CNTNAP2: variants seen among roughly 807,000 people sequenced by gnomAD.
CNTNAP2 encodes contactin associated protein 2, also known as contactin-associated protein-like 2.
Under a neutral mutation model 155.2 loss-of-function variants are expected in CNTNAP2, and 98 were observed. The observed-to-expected ratio is 0.63, with a 90% CI of 0.54 to 0.75. CNTNAP2 has a LOEUF of 0.75. Among genes scored for constraint, CNTNAP2 ranks in the 30% least tolerant of loss-of-function variants. The pLI is 0.00. For synonymous variants in CNTNAP2, 651 were observed against 631.2 expected (o/e 1.03, Z -0.47); for missense variants, 1,727 against 1,688.1 (o/e 1.02, Z -0.40).
intron 15 of CNTNAP2, among the ~76,000 whole-genome samples, chr7:148,107,637 C>T (rs1035796558): frequency 6.6e-6 from 1 of 152,058 alleles, no homozygotes; most frequent in Admixed American, 6.6e-5. Context: ...TTTTTTCTCC[C>T]GTAAGGAAAT....
At chr7:148,306,353 T>C (rs1320932335) in intron 21 of CNTNAP2, among the ~76,000 whole-genome samples, 3 of 152,216 alleles carry the variant, frequency 2.0e-5, no homozygotes, top group Non-Finnish European at 4.4e-5. Context: ...GGAAAGCCGT[T>C]CTTGAACTCT....
rs36020816 is a variant in CNTNAP2 at position 148,405,420 on chromosome 7, A to ATTTTTTTTTTTT, written c.3716-3956_3716-3945dup. The stretch of plus-strand genomic sequence containing the variant: ...TCAAGGGAACCAGATTACCATTGTA[A>ATTTTTTTTTTTT]TTTTTTTTTTTTTTTTTTTTTTTTT... On this transcript the variant is annotated intron_variant, in intron 22 of 23. Transcript: ENST00000361727. Among the ~76,000 whole-genome samples, 50 of 64,302 alleles carry ATTTTTTTTTTTT rather than the reference A, an allele frequency of 7.8e-4. 12 individuals carry two copies. Among genetic ancestry groups the ATTTTTTTTTTTT allele is most frequent in the African/African-American group, 3.5e-3 (44 of 12,652 alleles). The allele number at this position is 64,302 out of a possible 152,430, so 42.2% of individuals were successfully genotyped here.
intron 19 of CNTNAP2, among the ~76,000 whole-genome samples, chr7:148,228,748 A>C (rs1231071144): frequency 6.8e-6 from 1 of 147,578 alleles, no homozygotes; most frequent in African/African-American, 2.5e-5. Flanking sequence ...GAATGGCGTG[A>C]ACCCGGGAGG....
chr7:148,350,193 G>A (rs1798402828), intron 21 of CNTNAP2, among the ~76,000 whole-genome samples: 1 of 152,112 alleles, frequency 6.6e-6, no homozygotes, highest in Admixed American at 6.5e-5. Flanking sequence ...AAGACTATCT[G>A]CGGATGTATT....
Position 147,543,337 on chromosome 7 carries a change from T to C in CNTNAP2, c.1778-18801T>C, listed in dbSNP as rs543574794. ...TGCCCTGGGCGGGCTAAGTGTTCCTTGCCTTCATTCTGGTAAACCCACAAC... is the reference window on the plus strand; with the variant it reads ...TGCCCTGGGCGGGCTAAGTGTTCCTCGCCTTCATTCTGGTAAACCCACAAC... On this transcript the variant is annotated intron_variant, in intron 11 of 23. Coordinates refer to ENST00000361727, the MANE Select transcript of CNTNAP2 (RefSeq NM_014141.6). 3.9e-5 allele frequency among the ~76,000 whole-genome samples: 6 copies of C among 152,332 alleles called. No individual in the cohort carries two copies. In the South Asian group the frequency reaches 1.2e-3, roughly 32 times the overall value.
chr7:147,873,138 T>G (rs1799356812), intron 13 of CNTNAP2, among the ~76,000 whole-genome samples: 1 of 152,154 alleles, frequency 6.6e-6, no homozygotes, highest in Non-Finnish European at 1.5e-5. Context: ...CGCTCCAGCT[T>G]GGGATCAAGA....
intron 3 of CNTNAP2, among the ~76,000 whole-genome samples, chr7:146,969,125 G>A (rs1325682349): frequency 6.6e-6 from 1 of 151,374 alleles, no homozygotes; most frequent in Non-Finnish European, 1.5e-5. Context: ...GCGGTTTTGA[G>A]TGAGTTTCTT....
chr7:146,600,411 C>T (rs1423820670), intron 1 of CNTNAP2, among the ~76,000 whole-genome samples: 5 of 151,990 alleles, frequency 3.3e-5, no homozygotes, highest in Admixed American at 1.3e-4. Context: ...TTTAAAAAGA[C>T]GTTTTAAAAT....
At chr7:146,762,154 G>A (rs1293348618) in intron 1 of CNTNAP2, among the ~76,000 whole-genome samples, 1 of 152,202 alleles carries the variant, frequency 6.6e-6, no homozygotes, top group Non-Finnish European at 1.5e-5. Flanking sequence ...TGTTGTGAGA[G>A]CCCTTATATA....
At chr7:146,446,021 A>G (rs1431976276) in intron 1 of CNTNAP2, among the ~76,000 whole-genome samples, 2 of 152,134 alleles carry the variant, frequency 1.3e-5, no homozygotes, top group Non-Finnish European at 2.9e-5. Context: ...ACATTTTGAA[A>G]AAGAAGAATC....
chr7:147,477,507 G>GT (rs1290881064), intron 10 of CNTNAP2, among the ~76,000 whole-genome samples: 7 of 152,034 alleles, frequency 4.6e-5, no homozygotes, highest in Non-Finnish European at 8.8e-5. Context: ...TTTGCCTTTA[G>GT]TTTTTCCCTT....
chr7:147,063,185 G>C (rs984698905), intron 4 of CNTNAP2, among the ~76,000 whole-genome samples: 5 of 152,138 alleles, frequency 3.3e-5, no homozygotes, highest in African/African-American at 1.2e-4. Context: ...TTAGCCCCAT[G>C]CTCTTCCACT....
chr7:146,267,973 C>T lies in CNTNAP2; in HGVS notation c.97+151000C>T, dbSNP rs1341038315. On this transcript the variant is annotated intron_variant, in intron 1 of 23. Coordinates refer to ENST00000361727, the MANE Select transcript of CNTNAP2 (RefSeq NM_014141.6). ...AACAACATGAGAAAGCAACAATCCT[C>T]GTGGAAATGGTGGAAGCAAGAGAAA... is the stretch of plus-strand genomic sequence containing the variant. Among the ~76,000 whole-genome samples the T allele has an allele frequency of 5.9e-5, 9 of 152,182 alleles. No individual in the cohort carries two copies. The South Asian group carries it at 1.4e-3, about 25-fold the overall frequency.
chr7:146,524,056 C>A (rs529732460), intron 1 of CNTNAP2, among the ~76,000 whole-genome samples: 1 of 152,082 alleles, frequency 6.6e-6, no homozygotes. Flanking sequence ...TATCCCAGGG[C>A]ATACTATTAA....
intron 8 of CNTNAP2, among the ~76,000 whole-genome samples, chr7:147,231,743 C>T (rs947034190): frequency 6.6e-6 from 1 of 152,160 alleles, no homozygotes; most frequent in African/African-American, 2.4e-5. Flanking sequence ...TGGAAAATGT[C>T]TCTTCAGGTC....
intron 1 of CNTNAP2, among the ~76,000 whole-genome samples, chr7:146,720,140 T>C (rs63207261): frequency 6.6e-6 from 1 of 151,092 alleles, no homozygotes; most frequent in Non-Finnish European, 1.5e-5. Context: ...CTTTTTTTTT[T>C]CCAGTTATTT....
intron 1 of CNTNAP2, among the ~76,000 whole-genome samples, chr7:146,462,211 T>C (rs1420705815): frequency 1.3e-5 from 2 of 152,220 alleles, no homozygotes; most frequent in Non-Finnish European, 2.9e-5. Context: ...TGTAGCACAC[T>C]GTTTTATCTC....
chr7:147,391,912 A>C (rs1322051696), intron 9 of CNTNAP2, among the ~76,000 whole-genome samples: 1 of 152,070 alleles, frequency 6.6e-6, no homozygotes, highest in Non-Finnish European at 1.5e-5. Context: ...TTACTTTAAA[A>C]TTCAGTAATG....
chr7:146,660,889 C>T (rs543964056), intron 1 of CNTNAP2, among the ~76,000 whole-genome samples: 39 of 152,236 alleles, frequency 2.6e-4, no homozygotes, highest in African/African-American at 8.7e-4. Flanking sequence ...TATTCCGTGG[C>T]TCTTAGCCAC....
Sources: gnomAD v4.1 joint callset for allele counts (sites outside exome capture counted in the v4.1 genomes callset) on GRCh38, gnomAD v4.1.1 for gene constraint, MANE v1.5 for transcripts, NCBI Gene and HGNC (gene_info 2026-07-23, HGNC 2026-07-21) for gene names.